GRID2: variants seen among roughly 807,000 people sequenced by gnomAD.
GRID2 encodes the protein glutamate receptor ionotropic, delta-2.
In GRID2, 33 loss-of-function variants were observed where a neutral mutation model predicts 114.8. The observed-to-expected ratio is 0.29, with a 90% CI of 0.22 to 0.38. The LOEUF is 0.38. Among genes scored for constraint, GRID2 ranks in the 10% least tolerant of loss-of-function variants. The pLI is 1.00. For synonymous variants in GRID2, 505 were observed against 449.9 expected (o/e 1.12, Z -1.55); for missense variants, 1,184 against 1,257.7 (o/e 0.94, Z 0.89).
chr4:92,749,609 A>C (rs1329840018), intron 2 of GRID2, among the ~76,000 whole-genome samples: 3 of 152,010 alleles, frequency 2.0e-5, no homozygotes, highest in Non-Finnish European at 4.4e-5. Context: ...TTTTGTTTCC[A>C]AGACAGTAGA....
In GRID2 at chr4:92,683,830, T is replaced by A. The variant is rs186773098; in HGVS notation, c.244+93544T>A. On this transcript the variant is annotated intron_variant, in intron 2 of 15. Transcript: ENST00000282020. ...TAATAAAATAATCTTTCTTAATTTT[T>A]AAATATGTATACATATAGAAGCAAT... Among the ~76,000 whole-genome samples the A allele has an allele frequency of 1.0e-3, 152 of 151,982 alleles. 1 individual carries two copies. Among genetic ancestry groups the A allele is most frequent in the African/African-American group, 3.6e-3 (149 of 41,554 alleles).
At chr4:92,450,372 A>T (rs938456050) in intron 1 of GRID2, among the ~76,000 whole-genome samples, 1 of 152,090 alleles carries the variant, frequency 6.6e-6, no homozygotes, top group Admixed American at 6.5e-5. Flanking sequence ...AAAGAAGTAG[A>T]AATCAAATGA....
chr4:92,976,905 C>G (rs944316281), intron 2 of GRID2, among the ~76,000 whole-genome samples: 3 of 152,074 alleles, frequency 2.0e-5, no homozygotes, highest in Non-Finnish European at 4.4e-5. Context: ...AAAGTAGGAA[C>G]CCATGTTACG....
In GRID2 at chr4:93,466,606, A is replaced by T. The variant is rs540145848; in HGVS notation, c.1858+10632A>T. Among the ~76,000 whole-genome samples, 13 of 152,026 alleles carry T rather than the reference A, an allele frequency of 8.6e-5. No homozygotes were observed. In the East Asian group the frequency reaches 2.3e-3, roughly 27 times the overall value. ...GTCATTACCATGGAAAGGGGCAGTA[A>T]CTCCCGAGTGTTGCCATGGCAGTGG... is the stretch of plus-strand genomic sequence containing the variant. On this transcript the variant is annotated intron_variant, in intron 11 of 15. Transcript: ENST00000282020.
At chr4:93,230,221 G>T (rs1293904716) in intron 7 of GRID2, among the ~76,000 whole-genome samples, 1 of 151,862 alleles carries the variant, frequency 6.6e-6, no homozygotes, top group Non-Finnish European at 1.5e-5. Context: ...ACTGGTTATT[G>T]TAGGTATTAA....
rs534348441 is a variant in GRID2 at position 92,797,382 on chromosome 4, G to A, written c.244+207096G>A. Among the ~76,000 whole-genome samples, 39 of 152,072 alleles carry A rather than the reference G, an allele frequency of 2.6e-4. No homozygotes were observed. In the East Asian group the frequency reaches 7.2e-3, roughly 28 times the overall value. ...GCTCATTGCAATAGCAATGGGAGTT[G>A]CCTATGAAATTGTGATACTAGCACA... On this transcript the variant is annotated intron_variant, in intron 2 of 15. Coordinates refer to ENST00000282020, the MANE Select transcript of GRID2 (RefSeq NM_001510.4).
chr4:92,564,205 A>G (rs1273509094), intron 1 of GRID2, among the ~76,000 whole-genome samples: 1 of 152,002 alleles, frequency 6.6e-6, no homozygotes, highest in Non-Finnish European at 1.5e-5. Flanking sequence ...CCATATGGGG[A>G]AAAATAAACT....
At chr4:92,384,160 C>T (rs992383692) in intron 1 of GRID2, among the ~76,000 whole-genome samples, 7 of 150,114 alleles carry the variant, frequency 4.7e-5, no homozygotes, top group African/African-American at 1.5e-4. Context: ...TGTGTGTCTG[C>T]GTGTGAAGTG....
chr4:93,440,587 C>T (rs556972046), intron 10 of GRID2, among the ~76,000 whole-genome samples: 39 of 151,974 alleles, frequency 2.6e-4, no homozygotes, highest in African/African-American at 8.9e-4. Flanking sequence ...TAGGATGAAA[C>T]TAAAATATAG....
At chr4:92,316,579 A>G (rs777845402) in intron 1 of GRID2, among the ~76,000 whole-genome samples, 2 of 152,182 alleles carry the variant, frequency 1.3e-5, no homozygotes, top group Admixed American at 6.5e-5. Context: ...AATACAGATC[A>G]TTGAAACAAG....
intron 14 of GRID2, among the ~76,000 whole-genome samples, chr4:93,731,964 T>C (rs542894285): frequency 1.3e-5 from 2 of 152,276 alleles, no homozygotes; most frequent in Admixed American, 6.5e-5. Flanking sequence ...GGATCTCTTC[T>C]CCTGACTCAA....
intron 2 of GRID2, among the ~76,000 whole-genome samples, chr4:92,638,980 G>T (rs927139544): frequency 2.6e-5 from 4 of 151,062 alleles, no homozygotes; most frequent in African/African-American, 9.7e-5. Context: ...GAGGAAATTT[G>T]CAGTCATATT....
chr4:93,707,102 TTGCTGG>T (rs965186885), intron 14 of GRID2, among the ~76,000 whole-genome samples: 15 of 152,266 alleles, frequency 9.9e-5, no homozygotes, highest in African/African-American at 3.6e-4. Context: ...TGAACTCAGT[TTGCTGG>T]TGTATTGTTA....
intron 1 of GRID2, among the ~76,000 whole-genome samples, chr4:93,804,302 G>T (rs908724540): frequency 6.6e-6 from 1 of 152,154 alleles, no homozygotes; most frequent in Non-Finnish European, 1.5e-5. Flanking sequence ...TGAGTCATTA[G>T]GTGATTTTTG....
At chr4:92,735,565 T>A (rs1736551320) in intron 2 of GRID2, among the ~76,000 whole-genome samples, 1 of 152,130 alleles carries the variant, frequency 6.6e-6, no homozygotes, top group Admixed American at 6.6e-5. Context: ...AAAAGTATAA[T>A]CTTCTTTACG....
intron 2 of GRID2, among the ~76,000 whole-genome samples, chr4:92,640,824 TAAA>T (rs200396753): frequency 1.3e-5 from 2 of 151,354 alleles, no homozygotes; most frequent in Non-Finnish European, 3.0e-5. Flanking sequence ...TCATATAAAA[TAAA>T]AAAAACAAAA....
intron 7 of GRID2, among the ~76,000 whole-genome samples, chr4:93,237,604 CAG>C (rs1256056937): frequency 6.6e-6 from 1 of 151,770 alleles, no homozygotes; most frequent in African/African-American, 2.4e-5. Context: ...TGAAGTGACT[CAG>C]AGTGCGATTT....
intron 2 of GRID2, among the ~76,000 whole-genome samples, chr4:92,938,085 G>A (rs1750800931): frequency 1.4e-5 from 2 of 146,370 alleles, no homozygotes; most frequent in African/African-American, 4.9e-5. Flanking sequence ...TGCTCTTTAT[G>A]CATGAACTGA....
At position 92,648,056 on chromosome 4, in the gene GRID2, AT is replaced by A. The variant is rs1463236819; in HGVS notation, c.244+57776del. ...AAATGAAGTTTCACTCATTGGGGAC[AT>A]TTTTTATCCTGAAATTTTTGATGAA... On this transcript the variant is annotated intron_variant, in intron 2 of 15. Coordinates refer to ENST00000282020, the MANE Select transcript of GRID2 (RefSeq NM_001510.4). 1.1e-4 allele frequency among the ~76,000 whole-genome samples: 17 copies of A among 149,724 alleles called. 1 individual carries two copies. The highest frequency in any genetic ancestry group is 1.1e-3 in the Admixed American group (16 of 15,072).
Sources: allele counts gnomAD v4.1 joint callset (sites outside exome capture counted in the v4.1 genomes callset), GRCh38; gene constraint gnomAD v4.1.1; transcripts MANE v1.5; gene names NCBI Gene and HGNC (gene_info 2026-07-23, HGNC 2026-07-21).